RER1: variants seen among roughly 807,000 people sequenced by gnomAD.
The protein encoded by RER1 is retention in endoplasmic reticulum sorting receptor 1, also known as protein RER1.
RER1 carries 6 observed loss-of-function variants against 28.3 expected under a neutral mutation model. The observed-to-expected ratio is 0.21, with a 90% CI of 0.12 to 0.42. RER1 has a LOEUF of 0.42. Ranked by LOEUF, RER1 falls within the 10% of genes least tolerant of loss-of-function variation. The pLI, the probability that RER1 is intolerant of heterozygous loss-of-function variation, is 1.00. For synonymous variants in RER1, 110 were observed against 95.9 expected (o/e 1.15, Z -0.86); for missense variants, 159 against 252.9 (o/e 0.63, Z 2.52).
chr1:2,394,587 G>C (rs1389492661), intron 1 of RER1: 1 of 152,240 alleles, frequency 6.6e-6, no homozygotes, highest in Non-Finnish European at 1.5e-5. Flanking sequence ...AGAACAATAA[G>C]ACTGACCCCA....
At chr1:2,395,983 C>T in intron 2 of RER1, 112 bp downstream of exon 2, 2 of 845,678 alleles carry the variant, frequency 2.4e-6, no homozygotes, top group Non-Finnish European at 4.0e-6. Flanking sequence ...GTTACTTCGC[C>T]TCAGGCTCAA....
At chr1:2,402,842 G>A (rs1451132969) in intron 6 of RER1, among the ~76,000 whole-genome samples, 193 bp from the exon 7 acceptor site, 1 of 152,204 alleles carries the variant, frequency 6.6e-6, no homozygotes, top group East Asian at 1.9e-4. Context: ...GATTGATGGG[G>A]TTTCAAACCT....
chr1:2,393,185 CT>C (rs1262406818), intron 1 of RER1: 1 of 151,996 alleles, frequency 6.6e-6, no homozygotes, highest in African/African-American at 2.4e-5. Context: ...TTTTATCTCC[CT>C]TTCTGTTTTG....
At chr1:2,402,420 C>T in intron 6 of RER1, 78 bp downstream of exon 6, 1 of 1,585,350 alleles carries the variant, frequency 6.3e-7, no homozygotes, top group Non-Finnish European at 8.6e-7. Context: ...CTGTGCTGGG[C>T]TGTGGTGGGT....
At chr1:2,400,606 T>C (rs1248401864) in intron 4 of RER1, among the ~76,000 whole-genome samples, 2 of 152,268 alleles carry the variant, frequency 1.3e-5, no homozygotes, top group Non-Finnish European at 2.9e-5. Context: ...TGGATGTTTA[T>C]ATGTGGTTGA....
chr1:2,397,647 T>C (rs751448465), intron 3 of RER1, among the ~76,000 whole-genome samples: 5 of 152,162 alleles, frequency 3.3e-5, no homozygotes, highest in Non-Finnish European at 7.3e-5. Context: ...TCCTGAGCTC[T>C]CCCTTGTGTG....
chr1:2,399,523 G>C lies in RER1; in HGVS notation c.286+9G>C. 3 of 1,572,104 alleles carry C rather than the reference G, an allele frequency of 1.9e-6. No individual in the cohort carries two copies. The highest frequency in any genetic ancestry group is 2.6e-6 in the Non-Finnish European group (3 of 1,141,790). ...CTTAATGGAAGACTCAGGTAGGGTA[G>C]CGGCTGTGCACTGGGCTGTGTGGGC... On this transcript the variant is annotated intron_variant, in intron 4 of 6. Transcript: ENST00000605895.
At position 2,403,430 on chromosome 1, in the gene RER1, G is replaced by A. The variant is rs1289044478; in HGVS notation, c.*306G>A. The A allele has an allele frequency of 5.6e-6, 2 of 353,998 alleles. No individual in the cohort carries two copies. The highest frequency in any genetic ancestry group is 1.5e-4 in the East Asian group (2 of 13,460). 21.9% of individuals were successfully genotyped at this position (353,998 alleles called of 1,614,324 possible). On this transcript the variant is annotated 3_prime_UTR_variant, in exon 7 of 7. Coordinates refer to ENST00000605895, the MANE Select transcript of RER1 (RefSeq NM_007033.5). The stretch of plus-strand genomic sequence containing the variant: ...AGGGCGAGTGGCCGGTCCCCGCTGT[G>A]CCAGGTGGGCAGGCAGGAGCAAGGC...
intron 1 of RER1, 116 bp from the exon 2 acceptor site, chr1:2,395,668 A>G (rs1009894247): frequency 2.6e-6 from 2 of 756,362 alleles, no homozygotes; most frequent in Non-Finnish European, 2.3e-6. Context: ...CAAATGGTAT[A>G]TGGACAAAAT....
rs138082453 is a variant in RER1, at chr1:2,399,127, C to T, written c.187-288C>T. On this transcript the variant is annotated intron_variant, in intron 3 of 6. Coordinates refer to ENST00000605895, the MANE Select transcript of RER1 (RefSeq NM_007033.5). ...CTTTTCTGCTGCGCTCCTTGTGGGG[C>T]GTCTGTGGCTTCAGGGATCACATGT... 6.4e-4 allele frequency among the ~76,000 whole-genome samples: 97 copies of T among 152,276 alleles called. No homozygotes were observed. In the Middle Eastern group the frequency reaches 0.02, roughly 32 times the overall value.
rs1051587856 is a variant in RER1, at chr1:2,391,883, C to T, written c.-83C>T. ...TCCCGGAGCCGGAGCGCAGCGCCTG[C>T]GGCCGCCCGTGCCCCGCCGTCCTCC... On this transcript the variant is annotated 5_prime_UTR_variant, in exon 1 of 7. Coordinates refer to ENST00000605895, the MANE Select transcript of RER1 (RefSeq NM_007033.5). The T allele has an allele frequency of 4.2e-5, 10 of 240,192 alleles. No individual in the cohort carries two copies. The highest frequency in any genetic ancestry group is 1.2e-3 in the Middle Eastern group (1 of 814). 14.9% of individuals were successfully genotyped at this position (240,192 alleles called of 1,614,324 possible).
At chr1:2,402,428 G>A in intron 6 of RER1, 86 bp downstream of exon 6, 1 of 1,565,184 alleles carries the variant, frequency 6.4e-7, no homozygotes, top group Non-Finnish European at 8.7e-7. Flanking sequence ...GGCTGTGGTG[G>A]GTGGTGGCAG....
At chr1:2,396,823 C>G (rs1160445462) in intron 2 of RER1, among the ~76,000 whole-genome samples, 2 of 152,248 alleles carry the variant, frequency 1.3e-5, no homozygotes, top group African/African-American at 4.8e-5. Flanking sequence ...GAGGCTGGGT[C>G]TTCCCCATAG....
chr1:2,404,073 C>CA lies in RER1; in HGVS notation c.*950dup, dbSNP rs1642918802. The CA allele has an allele frequency of 6.6e-6, 1 of 152,234 alleles. No homozygotes were observed. Among genetic ancestry groups the CA allele is most frequent in the South Asian group, 2.1e-4 (1 of 4,836 alleles). The allele number at this position is 152,234 out of a possible 1,614,324, so 9.4% of individuals were successfully genotyped here. A position where few individuals can be genotyped will look rare whatever the true frequency, so the allele number is the denominator to read the frequency against. Reference sequence around the variant, plus strand: ...TGTTTGGCCTTTTCGAAAGGTGACCCATATTGCACAGCAGAACATCACAGC... The same window carrying CA: ...TGTTTGGCCTTTTCGAAAGGTGACCCAATATTGCACAGCAGAACATCACAGC... On this transcript the variant is annotated 3_prime_UTR_variant, in exon 7 of 7. Coordinates refer to ENST00000605895, the MANE Select transcript of RER1 (RefSeq NM_007033.5).
Position 2,395,614 on chromosome 1 carries a change from C to CT in RER1, c.-7-169dup, listed in dbSNP as rs1570075441. 5 of 614,556 alleles carry CT rather than the reference C, an allele frequency of 8.1e-6. No homozygotes were observed. In the East Asian group the frequency reaches 1.4e-4, roughly 17 times the overall value. The allele number at this position is 614,556 out of a possible 1,614,324, so 38.1% of individuals were successfully genotyped here. A position where few individuals can be genotyped will look rare whatever the true frequency, so the allele number is the denominator to read the frequency against. On this transcript the variant is annotated intron_variant, in intron 1 of 6. Transcript: ENST00000605895. The stretch of plus-strand genomic sequence containing the variant: ...CGCTGCCCTTCCTCTCCAGGGAAGC[C>CT]TGTGTACCTGCTACTTTTTCCCGAA...
At chr1:2,402,446 CTGGTGTGAATG>C in intron 6 of RER1, 104 bp downstream of exon 6, 1 of 1,480,150 alleles carries the variant, frequency 6.8e-7, no homozygotes, top group East Asian at 2.3e-5. Context: ...CAGAGTCTGC[CTGGTGTGAATG>C]TGGAGCTAAG....
chr1:2,394,825 C>T (rs972181294), intron 1 of RER1: 3 of 152,398 alleles, frequency 2.0e-5, no homozygotes, highest in African/African-American at 7.2e-5. Context: ...GAACGTCACC[C>T]CTGGCGTCTT....
In RER1 at chr1:2,397,101, C is replaced by T; in HGVS notation, c.82-15C>T. On this transcript the variant is annotated splice_polypyrimidine_tract_variant and intron_variant, in intron 2 of 6. Coordinates refer to ENST00000605895, the MANE Select transcript of RER1 (RefSeq NM_007033.5). ...ACAGGACCTGCTTCATGCTTTTGGA[C>T]TCTTGTCTTTCTAGATTTATCAGTC... 6.4e-7 allele frequency: 1 copy of T among 1,573,832 alleles called. No homozygotes were observed. The highest frequency in any genetic ancestry group is 8.7e-7 in the Non-Finnish European group (1 of 1,143,862).
At chr1:2,395,167 C>G (rs556775460) in intron 1 of RER1, 5 of 153,048 alleles carry the variant, frequency 3.3e-5, no homozygotes, top group African/African-American at 1.2e-4. Context: ...CAGGTGAATT[C>G]CTCATGGCAT....
Sources: allele counts gnomAD v4.1 joint callset (sites outside exome capture counted in the v4.1 genomes callset), GRCh38; gene constraint gnomAD v4.1.1; transcripts MANE v1.5; gene names NCBI Gene and HGNC (gene_info 2026-07-23, HGNC 2026-07-21).